TMCO6: variants seen among roughly 807,000 people sequenced by gnomAD.
TMCO6 encodes transmembrane and coiled-coil domain-containing protein 6.
In TMCO6, 47 loss-of-function variants were observed where a neutral mutation model predicts 61.8. The observed-to-expected ratio is 0.76, with a 90% confidence interval of 0.60 to 0.97. The LOEUF (loss-of-function observed/expected upper bound fraction) is 0.97, where lower values mean the gene tolerates loss of function less well. TMCO6 is among the 50% of genes least tolerant of loss of function. The pLI is 0.00. For synonymous variants in TMCO6, 261 were observed against 254.2 expected (o/e 1.03, Z -0.25); for missense variants, 557 against 601.6 (o/e 0.93, Z 0.78).
chr5:140,647,207 ACCCT>A, downstream of TMCO6: 1 of 1,513,646 alleles, frequency 6.6e-7, no homozygotes, highest in South Asian at 1.3e-5. Flanking sequence ...CTCTTCTCAA[ACCCT>A]TGTTCCCCTA....
At chr5:140,604,010 A>G in the TMCO6 span, among the ~76,000 whole-genome samples, 28 of 152,276 alleles carry the variant, frequency 1.8e-4, no homozygotes, top group Non-Finnish European at 3.4e-4. Context: ...TTGTTATTTT[A>G]TTTAAAAAAT....
chr5:140,599,992 G>C, the TMCO6 span, among the ~76,000 whole-genome samples: 2 of 151,838 alleles, frequency 1.3e-5, no homozygotes, highest in Non-Finnish European at 2.9e-5. Flanking sequence ...CAATTCTAGG[G>C]GAAAAAGTCT....
chr5:140,632,951 C>T, the TMCO6 span: 2 of 1,614,108 alleles, frequency 1.2e-6, no homozygotes, highest in Non-Finnish European at 1.7e-6. The surrounding 1 kb of genome is among the most constrained non-coding windows in gnomAD (Gnocchi z 6.2). Context: ...CCAGCGGCAG[C>T]AGCAGCAGCA....
the TMCO6 span, chr5:140,632,255 T>G: frequency 1.1e-4 from 181 of 1,613,616 alleles, no homozygotes; most frequent in East Asian, 4.0e-3. This position sits in a 1 kb window ranked among gnomAD's most constrained non-coding sequence, Gnocchi z 6.2. Flanking sequence ...CCGCCGCCAG[T>G]GCGGCGCACA....
At chr5:140,599,868 A>T in the TMCO6 span, among the ~76,000 whole-genome samples, 2 of 152,132 alleles carry the variant, frequency 1.3e-5, no homozygotes, top group African/African-American at 4.8e-5. Flanking sequence ...AGATCGCAAC[A>T]CTGCACTCCA....
chr5:140,647,672 G>A, downstream of TMCO6: 4 of 1,502,786 alleles, frequency 2.7e-6, no homozygotes, highest in Non-Finnish European at 3.6e-6. Flanking sequence ...TAGCCCATAG[G>A]CTGCATGAGG....
the TMCO6 span, among the ~76,000 whole-genome samples, chr5:140,612,464 C>T: frequency 4.6e-5 from 7 of 152,020 alleles, no homozygotes; most frequent in African/African-American, 1.5e-4. Context: ...CTCAGCCTCC[C>T]GAGTAGCTGG....
At chr5:140,638,471 T>TG (rs1016940163), upstream of TMCO6, among the ~76,000 whole-genome samples, 3 of 151,668 alleles carry the variant, frequency 2.0e-5, no homozygotes, top group Non-Finnish European at 2.9e-5. Flanking sequence ...AAAGTGTGTG[T>TG]GGGGGGGAGT....
chr5:140,633,412 G>A, the TMCO6 span: 1 of 480,038 alleles, frequency 2.1e-6, no homozygotes, highest in Non-Finnish European at 3.8e-6. Flanking sequence ...GCCCCAGGCG[G>A]TGAATGCCCT....
At chr5:140,606,329 T>C in the TMCO6 span, among the ~76,000 whole-genome samples, 1 of 151,902 alleles carries the variant, frequency 6.6e-6, no homozygotes. Flanking sequence ...AACAAAAAAA[T>C]TGTAGAGATG....
At chr5:140,601,761 C>T in the TMCO6 span, among the ~76,000 whole-genome samples, 15 of 152,260 alleles carry the variant, frequency 9.9e-5, no homozygotes, top group African/African-American at 3.6e-4. Context: ...GTCACCATAC[C>T]TGTTGAATCA....
At chr5:140,621,342 A>G in the TMCO6 span, among the ~76,000 whole-genome samples, 3 of 152,210 alleles carry the variant, frequency 2.0e-5, no homozygotes, top group Non-Finnish European at 4.4e-5. Flanking sequence ...TTAGTTCCCC[A>G]AATTAATACT....
the TMCO6 span, among the ~76,000 whole-genome samples, chr5:140,624,691 T>A: frequency 1.9e-4 from 28 of 147,756 alleles, no homozygotes; most frequent in African/African-American, 6.5e-4. Context: ...CTGGGGCTAA[T>A]TTTTTTTTGT....
the TMCO6 span, among the ~76,000 whole-genome samples, chr5:140,606,108 CCCTTTCCTTT>C: frequency 8.6e-6 from 1 of 116,726 alleles, no homozygotes; most frequent in Non-Finnish European, 1.7e-5. Context: ...TCTTTTCCTT[CCCTTTCCTTT>C]CCTTTTCCTT....
At chr5:140,633,498 AC>A in the TMCO6 span, 1 of 310,006 alleles carries the variant, frequency 3.2e-6, no homozygotes, top group African/African-American at 2.1e-5. Flanking sequence ...CCAGTACCAT[AC>A]TCTGCACTAT....
chr5:140,613,386 T>TAAAAAAAAAAAAAAAAAAA, the TMCO6 span, among the ~76,000 whole-genome samples: 4 of 87,444 alleles, frequency 4.6e-5, no homozygotes, highest in African/African-American at 2.1e-4. Context: ...AGACTCTGAC[T>TAAAAAAAAAAAAAAAAAAA]AAAAAAAAAA....
At chr5:140,597,093 C>T in the TMCO6 span, among the ~76,000 whole-genome samples, 2 of 152,144 alleles carry the variant, frequency 1.3e-5, no homozygotes, top group Non-Finnish European at 2.9e-5. Context: ...TATCACAGGC[C>T]ACCCCCTAGC....
At chr5:140,609,595 G>A in the TMCO6 span, among the ~76,000 whole-genome samples, 8 of 147,898 alleles carry the variant, frequency 5.4e-5, no homozygotes, top group Admixed American at 5.4e-4. Context: ...AACAGGCATA[G>A]AAGCAAGTGC....
the TMCO6 span, among the ~76,000 whole-genome samples, chr5:140,621,651 C>T: frequency 1.3e-5 from 2 of 152,236 alleles, no homozygotes; most frequent in Non-Finnish European, 2.9e-5. Context: ...TAAACTCTGA[C>T]CGCCGGTGAG....
Sources: allele counts gnomAD v4.1 joint callset (sites outside exome capture counted in the v4.1 genomes callset), GRCh38; gene constraint gnomAD v4.1.1; non-coding constraint Gnocchi (gnomAD v3.1); transcripts MANE v1.5; gene names NCBI Gene and HGNC (gene_info 2026-07-23, HGNC 2026-07-21).